Variants in BMP5 observed in about 807,000 individuals in gnomAD.
BMP5 encodes the protein bone morphogenetic protein 5.
BMP5 carries 23 observed loss-of-function variants against 46.6 expected under a neutral mutation model. The observed-to-expected ratio is 0.49, with a 90% CI of 0.35 to 0.70. The LOEUF is 0.70. Among genes scored for constraint, BMP5 ranks in the 30% least tolerant of loss-of-function variants. The pLI is 0.00. For missense variants in BMP5, 545 were observed against 565.6 expected (o/e 0.96, Z 0.37); for synonymous variants, 204 against 191.9 (o/e 1.06, Z -0.52).
chr6:55,787,453 C>G (rs113984029), intron 3 of BMP5, among the ~76,000 whole-genome samples: 1 of 151,546 alleles, frequency 6.6e-6, no homozygotes, highest in Non-Finnish European at 1.5e-5. Flanking sequence ...TAGGAATATA[C>G]TGCAATTCAA....
intron 1 of BMP5, among the ~76,000 whole-genome samples, chr6:55,827,661 A>G (rs1402320950): frequency 6.6e-6 from 1 of 151,860 alleles, no homozygotes; most frequent in African/African-American, 2.4e-5. Flanking sequence ...GCATTTTAGA[A>G]AGGAAAAATT....
At chr6:55,776,706 A>G (rs1775181931) in intron 3 of BMP5, among the ~76,000 whole-genome samples, 1 of 152,002 alleles carries the variant, frequency 6.6e-6, no homozygotes, top group South Asian at 2.1e-4. Flanking sequence ...AGAGATGTTC[A>G]TAAATGGAAT....
intron 1 of BMP5, among the ~76,000 whole-genome samples, chr6:55,862,221 T>A (rs1777540594): frequency 6.6e-6 from 1 of 152,172 alleles, no homozygotes; most frequent in African/African-American, 2.4e-5. Context: ...CATATTTTGA[T>A]GCAATTTTTA....
At chr6:55,843,996 A>G (rs1412390424) in intron 1 of BMP5, among the ~76,000 whole-genome samples, 1 of 152,082 alleles carries the variant, frequency 6.6e-6, no homozygotes, top group Non-Finnish European at 1.5e-5. Flanking sequence ...CTCTATGAAC[A>G]TATACACTAA....
chr6:55,863,179 G>A (rs1164990260), intron 1 of BMP5, among the ~76,000 whole-genome samples: 2 of 152,084 alleles, frequency 1.3e-5, no homozygotes, highest in South Asian at 2.1e-4. Flanking sequence ...TGTGTGTTGT[G>A]GGATCATATC....
intron 3 of BMP5, among the ~76,000 whole-genome samples, chr6:55,781,847 G>A (rs1458828931): frequency 6.6e-6 from 1 of 151,876 alleles, no homozygotes; most frequent in African/African-American, 2.4e-5. Context: ...CTGACCACAG[G>A]TGATTCACCC....
chr6:55,807,069 C>A (rs549761635), intron 2 of BMP5, among the ~76,000 whole-genome samples: 1 of 152,258 alleles, frequency 6.6e-6, no homozygotes, highest in Non-Finnish European at 1.5e-5. Context: ...ATTTCTTTCT[C>A]TTGCCTGATT....
At chr6:55,772,844 G>C (rs766466249) in intron 4 of BMP5, 1 of 985,024 alleles carries the variant, frequency 1.0e-6, no homozygotes, top group Non-Finnish European at 1.2e-6. Context: ...CTTCTAACGT[G>C]ATTCTCCTGG....
At chr6:55,761,488 C>A (rs548150094) in intron 4 of BMP5, among the ~76,000 whole-genome samples, 147 of 152,040 alleles carry the variant, frequency 9.7e-4, no homozygotes, top group African/African-American at 3.4e-3. Flanking sequence ...GATCCTATTA[C>A]CCCTCTGACT....
At chr6:55,756,316 C>T (rs921700475) in intron 6 of BMP5, among the ~76,000 whole-genome samples, 3 of 151,862 alleles carry the variant, frequency 2.0e-5, no homozygotes, top group African/African-American at 7.3e-5. Flanking sequence ...TGCCTGCCCC[C>T]TAGACAAGTG....
intron 3 of BMP5, among the ~76,000 whole-genome samples, chr6:55,788,302 G>A (rs1775496597): frequency 6.6e-6 from 1 of 151,274 alleles, no homozygotes; most frequent in Non-Finnish European, 1.5e-5. Flanking sequence ...GAACAAAATG[G>A]GTTCATTTCT....
intron 1 of BMP5, among the ~76,000 whole-genome samples, chr6:55,851,006 G>A (rs1467637525): frequency 6.6e-6 from 1 of 152,066 alleles, no homozygotes; most frequent in Admixed American, 6.6e-5. Flanking sequence ...TTACTGTTTT[G>A]ATCTAACAGA....
chr6:55,760,012 G>T (rs1030473383), intron 5 of BMP5, among the ~76,000 whole-genome samples: 2 of 151,490 alleles, frequency 1.3e-5, no homozygotes, highest in African/African-American at 2.4e-5. Flanking sequence ...GTTTCTAAAG[G>T]CTACCCAAAA....
intron 4 of BMP5, among the ~76,000 whole-genome samples, chr6:55,764,350 GAT>G (rs1774863357): frequency 6.6e-6 from 1 of 152,116 alleles, no homozygotes. Flanking sequence ...AAGGAGGGCG[GAT>G]CACGAGGTCA....
intron 1 of BMP5, among the ~76,000 whole-genome samples, chr6:55,839,252 T>C (rs141094718): frequency 1.2e-4 from 19 of 152,174 alleles, no homozygotes; most frequent in African/African-American, 4.6e-4. Context: ...TCTTATTTCA[T>C]TTTTATTTAT....
At chr6:55,803,925 C>T (rs1775919643) in intron 2 of BMP5, among the ~76,000 whole-genome samples, 1 of 152,162 alleles carries the variant, frequency 6.6e-6, no homozygotes, top group African/African-American at 2.4e-5. Context: ...TTCCCAGCTG[C>T]CTATGGGAAG....
At chr6:55,863,174 G>A (rs753935172) in intron 1 of BMP5, among the ~76,000 whole-genome samples, 4 of 152,160 alleles carry the variant, frequency 2.6e-5, no homozygotes, top group Non-Finnish European at 5.9e-5. Context: ...ATAGATGTGT[G>A]TTGTGGGATC....
rs561767689 is a variant in BMP5 at position 55,801,545 on chromosome 6, T to C, written c.684-7118A>G. On this transcript the variant is annotated intron_variant, in intron 2 of 6. Transcript: ENST00000370830. Reference sequence around the variant, plus strand: ...ATCTTTCCTTTCTGACTCTGTCCTGTGGACCTTAAGCCCAGCTTCAGATGC... The same window carrying C: ...ATCTTTCCTTTCTGACTCTGTCCTGCGGACCTTAAGCCCAGCTTCAGATGC... Among the ~76,000 whole-genome samples the C allele has an allele frequency of 1.1e-4, 17 of 152,350 alleles. No homozygotes were observed. In the South Asian group the frequency reaches 3.3e-3, roughly 30 times the overall value.
intron 3 of BMP5, among the ~76,000 whole-genome samples, chr6:55,793,564 A>T (rs1280282177): frequency 6.6e-6 from 1 of 152,098 alleles, no homozygotes; most frequent in Non-Finnish European, 1.5e-5. Context: ...TTGATGTGTC[A>T]CTATTTTTCA....
Sources: allele counts gnomAD v4.1 joint callset (sites outside exome capture counted in the v4.1 genomes callset), GRCh38; gene constraint gnomAD v4.1.1; transcripts MANE v1.5; gene names NCBI Gene and HGNC (gene_info 2026-07-23, HGNC 2026-07-21).